Variants in MYO9A observed in about 807,000 individuals in gnomAD.
The protein encoded by MYO9A is unconventional myosin-IXa.
MYO9A carries 103 observed loss-of-function variants against 293.3 expected under a neutral mutation model. The ratio of observed to expected loss-of-function variants is 0.35; its 90% CI spans 0.30 to 0.41. MYO9A has a LOEUF of 0.41. MYO9A is among the 10% of genes least tolerant of loss of function. The pLI is 1.00. For missense variants in MYO9A, 2,685 were observed against 3,033.0 expected, an observed-to-expected ratio of 0.89 and a Z score of 2.69; for synonymous variants, 1,001 against 1,035.7, an observed-to-expected ratio of 0.97 and a Z score of 0.64.
At chr15:71,876,068 A>T (rs917110618) in intron 31 of MYO9A, among the ~76,000 whole-genome samples, 1 of 152,150 alleles carries the variant, frequency 6.6e-6, no homozygotes, top group Admixed American at 6.5e-5. Context: ...TTTAGAGATT[A>T]TTCTTTTTTA....
chr15:71,989,812 G>A (rs1274980412), intron 11 of MYO9A, among the ~76,000 whole-genome samples: 3 of 152,100 alleles, frequency 2.0e-5, no homozygotes, highest in Non-Finnish European at 4.4e-5. Flanking sequence ...GACTGCTTGA[G>A]CCTAAGAGTT....
At chr15:71,933,029 G>C (rs1390490101) in intron 18 of MYO9A, among the ~76,000 whole-genome samples, 1 of 151,824 alleles carries the variant, frequency 6.6e-6, no homozygotes, top group Non-Finnish European at 1.5e-5. Flanking sequence ...AAAAAAACCA[G>C]AGCTATATTA....
intron 1 of MYO9A, among the ~76,000 whole-genome samples, chr15:72,087,320 TC>T (rs1005317484): frequency 6.6e-6 from 1 of 152,164 alleles, no homozygotes; most frequent in Non-Finnish European, 1.5e-5. Flanking sequence ...GAGATGGGCA[TC>T]CCTGGCCATG....
intron 1 of MYO9A, among the ~76,000 whole-genome samples, chr15:72,060,062 T>G (rs1252403074): frequency 3.9e-5 from 6 of 152,236 alleles, no homozygotes; most frequent in Non-Finnish European, 8.8e-5. Context: ...AGTCCAGCCA[T>G]TATCATCTTC....
In MYO9A at chr15:71,902,922, C is replaced by A; in HGVS notation, c.3000+19G>T. ...TAAATGCACTCAATTTTGACCAGAG[C>A]TATACAGATTATATTTACCATGGTT... On this transcript the variant is annotated intron_variant, in intron 22 of 41. Transcript: ENST00000356056. The A allele has an allele frequency of 1.3e-6, 2 of 1,546,018 alleles. No individual in the cohort carries two copies. The highest frequency in any genetic ancestry group is 1.8e-6 in the Non-Finnish European group (2 of 1,133,434).
In MYO9A at chr15:71,960,015, C is replaced by T. The variant is rs746121432; in HGVS notation, c.2068G>A (p.Gly690Arg). Residue 690 changes from glycine (G) to arginine (R), a missense_variant, in exon 14 of 42, where the codon GGG becomes AGG. Coordinates refer to ENST00000356056, the MANE Select transcript of MYO9A (RefSeq NM_006901.4). Reference sequence around the variant, plus strand: ...GCTACAGGATCAATTCCAATCATCCCAGAGATAAATGCATTCTTGCTGCTT... The same window carrying T: ...GCTACAGGATCAATTCCAATCATCCTAGAGATAAATGCATTCTTGCTGCTT... ...LRSSKNAFIS[G>R]MIGIDPVAVF... is the part of the protein sequence containing the mutation. 1.9e-6 allele frequency: 3 copies of T among 1,614,000 alleles called. No homozygotes were observed. Among genetic ancestry groups the T allele is most frequent in the Non-Finnish European group, 2.5e-6 (3 of 1,179,968 alleles).
chr15:72,060,393 T>C (rs1136693), intron 1 of MYO9A, among the ~76,000 whole-genome samples: 4 of 150,578 alleles, frequency 2.7e-5, no homozygotes, highest in African/African-American at 9.8e-5. Flanking sequence ...TATTAGAAAA[T>C]AAAAAATAAA....
intron 10 of MYO9A, among the ~76,000 whole-genome samples, chr15:71,992,637 T>C (rs1362562596): frequency 1.3e-5 from 2 of 152,086 alleles, no homozygotes; most frequent in Admixed American, 1.3e-4. Context: ...AATTTCACAT[T>C]TAAGGCAATA....
chr15:71,926,962 G>A (rs934657174), intron 18 of MYO9A, among the ~76,000 whole-genome samples: 2 of 152,138 alleles, frequency 1.3e-5, no homozygotes, highest in African/African-American at 2.4e-5. Flanking sequence ...GTCATCAGGG[G>A]TGGGGATGCT....
At chr15:71,924,285 A>G (rs2058233252) in intron 18 of MYO9A, among the ~76,000 whole-genome samples, 1 of 152,086 alleles carries the variant, frequency 6.6e-6, no homozygotes. Flanking sequence ...TCTGTCACCC[A>G]GGTTGGAGCC....
chr15:72,065,573 C>A, intron 1 of MYO9A, among the ~76,000 whole-genome samples: 1 of 143,370 alleles, frequency 7.0e-6, no homozygotes. Flanking sequence ...CGAACAACAA[C>A]AACAACAAAA....
intron 15 of MYO9A, among the ~76,000 whole-genome samples, chr15:71,944,859 T>C (rs949347624): frequency 5.9e-5 from 9 of 152,178 alleles, no homozygotes; most frequent in African/African-American, 2.2e-4. Context: ...CTTGTTAATT[T>C]CTACCAAAAA....
At chr15:72,108,138 T>C (rs1210126636) in intron 1 of MYO9A, among the ~76,000 whole-genome samples, 4 of 152,228 alleles carry the variant, frequency 2.6e-5, no homozygotes, top group Non-Finnish European at 4.4e-5. Flanking sequence ...AATATTTGTA[T>C]GGTACCAAAG....
intron 1 of MYO9A, among the ~76,000 whole-genome samples, chr15:72,096,160 CAAAAAAA>C (rs990440272): frequency 2.9e-4 from 18 of 61,502 alleles, no homozygotes; most frequent in Non-Finnish European, 1.6e-4. Flanking sequence ...GAGACTGTCT[CAAAAAAA>C]AAAAAAAAAG....
intron 34 of MYO9A, among the ~76,000 whole-genome samples, chr15:71,859,408 A>G (rs2056018552): frequency 6.6e-6 from 1 of 152,228 alleles, no homozygotes; most frequent in South Asian, 2.1e-4. Context: ...TACTGCATTA[A>G]GGATAATTCC....
chr15:72,114,520 G>A (rs557152887), intron 1 of MYO9A: 1 of 152,370 alleles, frequency 6.6e-6, no homozygotes, highest in South Asian at 2.1e-4. Context: ...GTTTCATGAG[G>A]AAAGAGTGGT....
chr15:71,960,929 G>A (rs987184120), intron 13 of MYO9A, among the ~76,000 whole-genome samples: 8 of 152,092 alleles, frequency 5.3e-5, no homozygotes, highest in African/African-American at 1.9e-4. Flanking sequence ...AAAACCACAG[G>A]CTGGAGCACT....
intron 18 of MYO9A, among the ~76,000 whole-genome samples, chr15:71,931,765 T>C (rs531736713): frequency 6.6e-6 from 1 of 152,232 alleles, no homozygotes; most frequent in Non-Finnish European, 1.5e-5. Flanking sequence ...TTTCTTCATT[T>C]GCCTTTACCC....
intron 32 of MYO9A, among the ~76,000 whole-genome samples, chr15:71,874,663 C>A (rs1021534969): frequency 6.6e-6 from 1 of 152,282 alleles, no homozygotes; most frequent in Non-Finnish European, 1.5e-5. Context: ...GTATGAGACT[C>A]ATAGTTCATC....
Sources: allele counts gnomAD v4.1 joint callset (sites outside exome capture counted in the v4.1 genomes callset), GRCh38; gene constraint gnomAD v4.1.1; transcripts MANE v1.5; gene names NCBI Gene and HGNC (gene_info 2026-07-23, HGNC 2026-07-21).